Variants in GATA4 observed in about 807,000 individuals in gnomAD.
GATA4 encodes GATA binding protein 4, also known as transcription factor GATA-4.
Under a neutral mutation model 37.9 loss-of-function variants are expected in GATA4, and 7 were observed. The observed-to-expected ratio is 0.18, with a 90% CI of 0.11 to 0.35. GATA4 has a LOEUF of 0.35. GATA4 is among the 10% of genes least tolerant of loss of function. The pLI, the probability that GATA4 is intolerant of heterozygous loss-of-function variation, is 1.00. For missense variants in GATA4, 647 were observed against 653.0 expected, an observed-to-expected ratio of 0.99 and a Z score of 0.10; for synonymous variants, 372 against 292.6, an observed-to-expected ratio of 1.27 and a Z score of -2.77.
intron 4 of GATA4, among the ~76,000 whole-genome samples, chr8:11,754,644 C>T (rs1489917238): frequency 1.3e-5 from 2 of 152,212 alleles, no homozygotes; most frequent in African/African-American, 2.4e-5. Flanking sequence ...GTGTCACCTC[C>T]ACACTGAAGC....
In GATA4 at chr8:11,757,094, T is replaced by C. The variant is rs1802621557; in HGVS notation, c.1149+11T>C. The C allele has an allele frequency of 6.2e-7, 1 of 1,613,042 alleles. No individual in the cohort carries two copies. The highest frequency in any genetic ancestry group is 8.5e-7 in the Non-Finnish European group (1 of 1,179,286). On this transcript the variant is annotated intron_variant, in intron 6 of 6. Transcript: ENST00000532059. ...AGCTCCGTGTCCCAGGTACGCGCCA[T>C]GGCTGGGGCGCCAGGGCTGTTTGTG...
rs1800056528 is a variant in GATA4, at chr8:11,709,338, C to T, written c.616+410C>T. Among the ~76,000 whole-genome samples the T allele has an allele frequency of 6.6e-6, 1 of 152,226 alleles. No individual in the cohort carries two copies. Among genetic ancestry groups the T allele is most frequent in the Non-Finnish European group, 1.5e-5 (1 of 68,036 alleles). On this transcript the variant is annotated intron_variant, in intron 2 of 6. Coordinates refer to ENST00000532059, the MANE Select transcript of GATA4 (RefSeq NM_001308093.3). The surrounding 1 kb of genome is among the most constrained non-coding windows in gnomAD (Gnocchi z 4.3). ...AGTTTCTGCGCCCCTTTCCTCCCCG[C>T]CCGCCCTCGGGCCTCCGCAGGGAAC...
chr8:11,749,995 G>T lies in GATA4; in HGVS notation c.787-116G>T. The T allele has an allele frequency of 6.8e-7, 1 of 1,462,016 alleles. No homozygotes were observed. Among genetic ancestry groups the T allele is most frequent in the Non-Finnish European group, 9.4e-7 (1 of 1,058,234 alleles). 90.6% of individuals were successfully genotyped at this position (1,462,016 alleles called of 1,614,324 possible). On this transcript the variant is annotated intron_variant, in intron 3 of 6. Transcript: ENST00000532059. The surrounding 1 kb of genome is among the most constrained non-coding windows in gnomAD (Gnocchi z 4.6). ...CAGGTCAGAGATCTCATGCAGGGTC[G>T]TTAGGGCCCAGCCCTGCCTCCCGTT...
At position 11,679,607 on chromosome 8, in the gene GATA4, C is replaced by G. The variant is rs547538022; in HGVS notation, c.-274+2544C>G. ...CGGGGAGAGGAGCTGGGCGCGCGGCCTGGGCCCCCCACCTGCCCGACCCCA... is the reference window on the plus strand; with the variant it reads ...CGGGGAGAGGAGCTGGGCGCGCGGCGTGGGCCCCCCACCTGCCCGACCCCA... On this transcript the variant is annotated intron_variant, in intron 1 of 6. Coordinates refer to the GATA4 transcript ENST00000528712. Among the ~76,000 whole-genome samples, 31 of 152,302 alleles carry G rather than the reference C, an allele frequency of 2.0e-4. No homozygotes were observed. In the East Asian group the frequency reaches 5.0e-3, roughly 25 times the overall value.
rs550124832 is a variant in GATA4 at position 11,709,335 on chromosome 8, C to G, written c.616+407C>G. 6.3e-4 allele frequency among the ~76,000 whole-genome samples: 96 copies of G among 152,344 alleles called. No homozygotes were observed. Among genetic ancestry groups the G allele is most frequent in the Non-Finnish European group, 1.0e-4 (7 of 68,026 alleles). The stretch of plus-strand genomic sequence containing the variant: ...CTGAGTTTCTGCGCCCCTTTCCTCC[C>G]CGCCCGCCCTCGGGCCTCCGCAGGG... On this transcript the variant is annotated intron_variant, in intron 2 of 6. Transcript: ENST00000532059. The surrounding 1 kb of genome is among the most constrained non-coding windows in gnomAD (Gnocchi z 4.3).
intron 6 of GATA4, 61 bp downstream of exon 6, chr8:11,757,144 A>G (rs1802627002): frequency 6.2e-7 from 1 of 1,603,280 alleles, no homozygotes; most frequent in African/African-American, 1.3e-5. Context: ...AGAGTCCCAG[A>G]GGCCAGCCTA....
Position 11,758,403 on chromosome 8 carries a change from G to A in GATA4, c.1260G>A (p.Gln420=), listed in dbSNP as rs1264204434. 1.9e-6 allele frequency: 3 copies of A among 1,614,218 alleles called. No individual in the cohort carries two copies. Among genetic ancestry groups the A allele is most frequent in the Non-Finnish European group, 2.5e-6 (3 of 1,180,044 alleles). Residue 420 remains glutamine (Q), a synonymous_variant, in exon 7 of 7, where the codon CAG becomes CAA. Transcript: ENST00000532059. The stretch of plus-strand genomic sequence containing the variant: ...CGTCTCCCGTCAGCCAGTCTCCACA[G>A]ACCAGCTCCAAGCAGGACTCTTGGA... The part of the protein sequence containing the change: ...GYASPVSQSP[Q]TSSKQDSWNS...
chr8:11,692,116 G>C, upstream of GATA4: 1 of 877,302 alleles, frequency 1.1e-6, no homozygotes, highest in African/African-American at 1.8e-5. Context: ...GCAGGAGCTC[G>C]GGCCACCTGT....
chr8:11,692,752 G>A, intron 1 of GATA4: 1 of 982,984 alleles, frequency 1.0e-6, no homozygotes, highest in Non-Finnish European at 1.2e-6. Context: ...GCGAGGGCGC[G>A]GACGGACGGG....
chr8:11,731,896 G>A (rs911164253), intron 2 of GATA4, among the ~76,000 whole-genome samples: 1 of 152,080 alleles, frequency 6.6e-6, no homozygotes, highest in Non-Finnish European at 1.5e-5. Context: ...GGTAGAACTA[G>A]CCATCCAGAA....
chr8:11,700,751 C>T (rs1015717420), upstream of GATA4: 1 of 152,290 alleles, frequency 6.6e-6, no homozygotes, highest in African/African-American at 2.4e-5. Context: ...GCGTCCATAT[C>T]TTGGAGGAAT....
intron 2 of GATA4, among the ~76,000 whole-genome samples, chr8:11,748,567 AAGAG>A (rs1254483186): frequency 6.6e-6 from 1 of 152,188 alleles, no homozygotes; most frequent in Non-Finnish European, 1.5e-5. Flanking sequence ...GAAAGGGAAA[AAGAG>A]AGAGCAAGGT....
Position 11,749,151 on chromosome 8 carries a change from C to T in GATA4, c.786+66C>T, listed in dbSNP as rs1802174367. 6 of 1,545,126 alleles carry T rather than the reference C, an allele frequency of 3.9e-6. No homozygotes were observed. Among genetic ancestry groups the T allele is most frequent in the Middle Eastern group, 1.7e-4 (1 of 5,860 alleles). ...CGGAGCTCTCGCCTTGGTGGGACAT[C>T]CTCTGGTTTTGAATTTTGGAACTTG... On this transcript the variant is annotated intron_variant, in intron 3 of 6. Coordinates refer to ENST00000532059, the MANE Select transcript of GATA4 (RefSeq NM_001308093.3). The surrounding 1 kb of genome is among the most constrained non-coding windows in gnomAD (Gnocchi z 4.6).
At chr8:11,720,921 T>C (rs184233276) in intron 2 of GATA4, among the ~76,000 whole-genome samples, 76 of 152,194 alleles carry the variant, frequency 5.0e-4, no homozygotes, top group Non-Finnish European at 7.8e-4. Flanking sequence ...GGAGATTTCA[T>C]AGAAGTTCAG....
intron 2 of GATA4, among the ~76,000 whole-genome samples, chr8:11,729,618 T>G (rs1467052778): frequency 6.6e-6 from 1 of 151,684 alleles, no homozygotes; most frequent in Non-Finnish European, 1.5e-5. Flanking sequence ...GACTGTGTAG[T>G]TCAGTAGTGT....
intron 2 of GATA4, among the ~76,000 whole-genome samples, chr8:11,727,121 T>A (rs1585636462): frequency 6.6e-6 from 1 of 152,190 alleles, no homozygotes; most frequent in Admixed American, 6.5e-5. Context: ...AGACCCTGTT[T>A]AAAGGCGTTT....
In GATA4 at chr8:11,692,862, C is replaced by G. The variant is rs1002936050; in HGVS notation, c.-729+202C>G. On this transcript the variant is annotated intron_variant, in intron 1 of 2. Transcript: ENST00000526974. ...CGGCCGGCCGGGGGCTGACCCCGAG[C>G]GCCGCCGAGTTTGCGCCGCCCGCCG... is the stretch of plus-strand genomic sequence containing the variant. 36 of 981,178 alleles carry G rather than the reference C, an allele frequency of 3.7e-5. No homozygotes were observed. The African/African-American group carries it at 5.3e-4, about 14-fold the overall frequency. The allele number at this position is 981,178 out of a possible 1,614,324, so 60.8% of individuals were successfully genotyped here. A position where few individuals can be genotyped will look rare whatever the true frequency, so the allele number is the denominator to read the frequency against.
intron 2 of GATA4, among the ~76,000 whole-genome samples, chr8:11,742,347 C>T (rs554374409): frequency 8.6e-5 from 13 of 151,606 alleles, no homozygotes; most frequent in African/African-American, 1.7e-4. Flanking sequence ...TATCTCTCTA[C>T]GTTCCCCCCT....
intron 1 of GATA4, chr8:11,697,966 G>T: frequency 1.2e-5 from 12 of 985,484 alleles, no homozygotes; most frequent in Non-Finnish European, 1.4e-5. Context: ...CGCTCCAGCC[G>T]CGGGTGTCCC....
Sources: allele counts gnomAD v4.1 joint callset (sites outside exome capture counted in the v4.1 genomes callset), GRCh38; gene constraint gnomAD v4.1.1; non-coding constraint Gnocchi (gnomAD v3.1); transcripts MANE v1.5; gene names NCBI Gene and HGNC (gene_info 2026-07-23, HGNC 2026-07-21).